PTGR2: variants seen among roughly 807,000 people sequenced by gnomAD.
PTGR2 encodes prostaglandin reductase 2, also known as 15-oxoprostaglandin 13-reductase.
Under a neutral mutation model 43.4 loss-of-function variants are expected in PTGR2, and 32 were observed. That is an observed-to-expected ratio of 0.74 (90% CI 0.56 to 0.99). The LOEUF is 0.99. Ranked by LOEUF, PTGR2 falls within the 50% of genes least tolerant of loss-of-function variation. The probability of loss-of-function intolerance (pLI) is 0.00; values close to 1 mark genes in which losing one functional copy is unlikely to be tolerated. For missense variants in PTGR2, 373 were observed against 420.0 expected (o/e 0.89, Z 0.98); for synonymous variants, 106 against 139.2 (o/e 0.76, Z 1.68).
intron 9 of PTGR2, among the ~76,000 whole-genome samples, chr14:73,882,800 C>CGTT (rs2055023189): frequency 2.4e-5 from 1 of 41,826 alleles, no homozygotes. Context: ...ACGCCTGGCC[C>CGTT]TTTTTTTTTT....
intron 3 of PTGR2, among the ~76,000 whole-genome samples, chr14:73,862,705 T>A (rs2054520437): frequency 6.6e-6 from 1 of 152,124 alleles, no homozygotes; most frequent in African/African-American, 2.4e-5. Context: ...ACTGTGGACT[T>A]CATTTTATTA....
At chr14:73,856,541 G>A (rs958131435) in intron 1 of PTGR2, among the ~76,000 whole-genome samples, 2 of 151,992 alleles carry the variant, frequency 1.3e-5, no homozygotes, top group Non-Finnish European at 2.9e-5. Context: ...GTGAGCCACC[G>A]CTCCCAGCCC....
intron 3 of PTGR2, among the ~76,000 whole-genome samples, chr14:73,862,270 C>T (rs1250695351): frequency 6.6e-6 from 1 of 151,648 alleles, no homozygotes; most frequent in Non-Finnish European, 1.5e-5. Context: ...TGCAGTGGCG[C>T]GATCTCGGCT....
intron 3 of PTGR2, among the ~76,000 whole-genome samples, chr14:73,869,523 G>C (rs1419701180): frequency 1.3e-5 from 2 of 150,590 alleles, no homozygotes; most frequent in Admixed American, 1.3e-4. Context: ...GTAGTGAGCT[G>C]TGATCATGCC....
rs2054860564 is a variant in PTGR2 at position 73,876,177 on chromosome 14, T to C, written c.349-821T>C. Among the ~76,000 whole-genome samples, 4 of 152,234 alleles carry C rather than the reference T, an allele frequency of 2.6e-5. No homozygotes were observed. The South Asian group carries it at 8.3e-4, about 32-fold the overall frequency. On this transcript the variant is annotated intron_variant, in intron 4 of 9. Transcript: ENST00000555661. Reference sequence around the variant, plus strand: ...TGTTTTTTACTCTTTACAAATAAAGTATAGAATTTTAGCAAGACTGATGAA... The same window carrying C: ...TGTTTTTTACTCTTTACAAATAAAGCATAGAATTTTAGCAAGACTGATGAA...
At chr14:73,883,488 CCT>C (rs1491508052) in intron 9 of PTGR2, among the ~76,000 whole-genome samples, 5 of 151,114 alleles carry the variant, frequency 3.3e-5, no homozygotes, top group Non-Finnish European at 7.4e-5. Context: ...AGTGCCTAGC[CCT>C]TTTTTTAATT....
At position 73,862,176 on chromosome 14, in the gene PTGR2, C is replaced by G. The variant is rs1449435065; in HGVS notation, c.156+1519C>G. On this transcript the variant is annotated intron_variant, in intron 3 of 9. Coordinates refer to ENST00000555661, the MANE Select transcript of PTGR2 (RefSeq NM_001146154.2). The stretch of plus-strand genomic sequence containing the variant: ...GAAGACATTTTTAAAAAATGAGCAA[C>G]TTTATTATTTTTATTAACTTTTGTT... 3.3e-5 allele frequency among the ~76,000 whole-genome samples: 5 copies of G among 151,380 alleles called. No homozygotes were observed. In the East Asian group the frequency reaches 9.7e-4, roughly 29 times the overall value.
intron 2 of PTGR2, among the ~76,000 whole-genome samples, chr14:73,860,336 G>A (rs1320660576): frequency 6.6e-6 from 1 of 151,838 alleles, no homozygotes; most frequent in African/African-American, 2.4e-5. Flanking sequence ...GCATGGTGGT[G>A]CATGCCTGTA....
In PTGR2 at chr14:73,879,281, C is replaced by T. The variant is rs1595370485; in HGVS notation, c.705C>T (p.Asn235=). Residue 235 remains asparagine, a synonymous_variant, in exon 6 of 10, where the codon AAC becomes AAT. Coordinates refer to ENST00000555661, the MANE Select transcript of PTGR2 (RefSeq NM_001146154.2). Reference sequence around the variant, plus strand: ...TTTATTTTGACAATGTTGGTGGTAACATCAGTGATACAGTGATAAGTCAGG... The same window carrying T: ...TTTATTTTGACAATGTTGGTGGTAATATCAGTGATACAGTGATAAGTCAGG... The part of the protein sequence containing the change: ...VDVYFDNVGG[N]ISDTVISQMN... The T allele has an allele frequency of 3.1e-6, 5 of 1,614,010 alleles. No individual in the cohort carries two copies. Among genetic ancestry groups the T allele is most frequent in the East Asian group, 2.2e-5 (1 of 44,868 alleles).
intron 1 of PTGR2, among the ~76,000 whole-genome samples, chr14:73,855,153 A>G (rs1942775884): frequency 6.6e-6 from 1 of 152,224 alleles, no homozygotes; most frequent in African/African-American, 2.4e-5. Flanking sequence ...TCTTTGAAAC[A>G]TTTTTGAAAC....
intron 3 of PTGR2, among the ~76,000 whole-genome samples, chr14:73,873,432 C>T (rs1215326930): frequency 6.6e-6 from 1 of 151,750 alleles, no homozygotes; most frequent in Non-Finnish European, 1.5e-5. Flanking sequence ...TAGAATCTAC[C>T]CTTATGGCAA....
At chr14:73,866,639 G>A (rs1243654971) in intron 3 of PTGR2, among the ~76,000 whole-genome samples, 1 of 152,156 alleles carries the variant, frequency 6.6e-6, no homozygotes, top group African/African-American at 2.4e-5. Flanking sequence ...GCCATGGGAT[G>A]TCTAAATAGC....
At position 73,875,738 on chromosome 14, in the gene PTGR2, C is replaced by CTTT. The variant is rs202193452; in HGVS notation, c.349-1247_349-1245dup. Among the ~76,000 whole-genome samples the CTTT allele has an allele frequency of 1.2e-3, 169 of 136,256 alleles. 1 individual carries two copies. The highest frequency in any genetic ancestry group is 0.011 in the Middle Eastern group (3 of 262). The allele number at this position is 136,256 out of a possible 152,430, so 89.4% of individuals were successfully genotyped here. A position where few individuals can be genotyped will look rare whatever the true frequency, so the allele number is the denominator to read the frequency against. On this transcript the variant is annotated intron_variant, in intron 4 of 9. Coordinates refer to ENST00000555661, the MANE Select transcript of PTGR2 (RefSeq NM_001146154.2). ...CAAGTATTTTTCTGTTAAGCACTTC[C>CTTT]TTTTTTTTTTTTTTTCCCATACTTG...
At chr14:73,854,227 G>A (rs200478423) in intron 1 of PTGR2, among the ~76,000 whole-genome samples, 1 of 151,460 alleles carries the variant, frequency 6.6e-6, no homozygotes, top group African/African-American at 2.4e-5. Flanking sequence ...CTCAGCCTCC[G>A]GAGTAGCTGG....
intron 3 of PTGR2, among the ~76,000 whole-genome samples, chr14:73,863,241 AC>A (rs1415966925): frequency 6.6e-6 from 1 of 152,040 alleles, no homozygotes; most frequent in African/African-American, 2.4e-5. Flanking sequence ...CCAGTAATCT[AC>A]TTTTTGTTCC....
At chr14:73,879,645 T>TTGAGTAGAGA in intron 6 of PTGR2, 2 of 299,708 alleles carry the variant, frequency 6.7e-6, no homozygotes, top group Admixed American at 4.8e-5. Flanking sequence ...GCCCCAGACC[T>TTGAGTAGAGA]ATGGGTTTCA....
chr14:73,858,861 C>T lies in PTGR2; in HGVS notation c.-2C>T. ...TTGTGAAACCACTGCCCAACCAGAG[C>T]AATGATTGTTCAAAGAGTGGTATTG... On this transcript the variant is annotated 5_prime_UTR_variant, in exon 2 of 10. Coordinates refer to ENST00000555661, the MANE Select transcript of PTGR2 (RefSeq NM_001146154.2). 1 of 1,610,408 alleles carries T rather than the reference C, an allele frequency of 6.2e-7. No homozygotes were observed. Among genetic ancestry groups the T allele is most frequent in the Non-Finnish European group, 8.5e-7 (1 of 1,177,708 alleles).
intron 3 of PTGR2, among the ~76,000 whole-genome samples, chr14:73,863,561 T>C (rs1424173683): frequency 5.9e-5 from 9 of 152,164 alleles, no homozygotes. Flanking sequence ...TATTTATTTA[T>C]TTAGAGATGA....
At chr14:73,858,952 A>G in intron 2 of PTGR2, 53 bp downstream of exon 2, 1 of 1,438,898 alleles carries the variant, frequency 6.9e-7, no homozygotes, top group Non-Finnish European at 9.7e-7. Flanking sequence ...TATTAATGCA[A>G]ATGGAGGAAT....
Sources: gnomAD v4.1 joint callset for allele counts (sites outside exome capture counted in the v4.1 genomes callset) on GRCh38, gnomAD v4.1.1 for gene constraint, MANE v1.5 for transcripts, NCBI Gene and HGNC (gene_info 2026-07-23, HGNC 2026-07-21) for gene names.